Variants in COL22A1 observed in about 807,000 individuals in gnomAD.
COL22A1 encodes collagen alpha-1(XXII) chain.
In COL22A1, 221 loss-of-function variants were observed where a neutral mutation model predicts 248.9. The ratio of observed to expected loss-of-function variants is 0.89; its 90% CI spans 0.80 to 0.99. COL22A1 has a LOEUF of 0.99. Ranked by LOEUF, COL22A1 falls within the 50% of genes least tolerant of loss-of-function variation. COL22A1 has a pLI of 0.00. For synonymous variants in COL22A1, 891 were observed against 793.4 expected (o/e 1.12, Z -2.07); for missense variants, 2,240 against 2,179.0 (o/e 1.03, Z -0.56).
Position 138,602,153 on chromosome 8 carries a change from G to C in COL22A1, c.4147C>G (p.Pro1383Ala), listed in dbSNP as rs779394024. The C allele has an allele frequency of 6.2e-7, 1 of 1,614,012 alleles. No individual in the cohort carries two copies. Among genetic ancestry groups the C allele is most frequent in the South Asian group, 1.1e-5 (1 of 91,056 alleles). Residue 1383 changes from proline to alanine, a missense_variant, in exon 60 of 65, where the codon CCT becomes GCT. Physicochemically the swap from Pro to Ala is conservative, Grantham distance 27. Coordinates refer to ENST00000303045, the MANE Select transcript of COL22A1 (RefSeq NM_152888.3). The stretch of plus-strand genomic sequence containing the variant: ...AATCCAGGCTCTCCAGGCTTCCCAG[G>C]GACCCCCTGCAAGGAGAAAGAAAGG... ...EKGVPGKEGV[P>A]GKPGEPGFKG... is the part of the protein sequence containing the mutation.
intron 16 of COL22A1, among the ~76,000 whole-genome samples, chr8:138,771,479 G>A (rs1199160251): frequency 1.3e-5 from 2 of 152,186 alleles, no homozygotes; most frequent in East Asian, 1.9e-4. Context: ...CTTCTCTACA[G>A]CCCTTTCCAA....
chr8:138,868,763 C>T (rs540199121), intron 3 of COL22A1, among the ~76,000 whole-genome samples: 42 of 150,978 alleles, frequency 2.8e-4, no homozygotes, highest in African/African-American at 9.9e-4. Flanking sequence ...CGAAGTCTCA[C>T]TCTGTCACCC....
Position 138,659,542 on chromosome 8 carries a change from T to C in COL22A1, c.3285+894A>G, listed in dbSNP as rs72727865. Reference sequence around the variant, plus strand: ...TTGGTTGCTGCTGTCTCTTCCATCTTAGGCAGCTTCTTCCCAAGGACTCAT... The same window carrying C: ...TTGGTTGCTGCTGTCTCTTCCATCTCAGGCAGCTTCTTCCCAAGGACTCAT... On this transcript the variant is annotated intron_variant, in intron 44 of 64. Coordinates refer to ENST00000303045, the MANE Select transcript of COL22A1 (RefSeq NM_152888.3). Among the ~76,000 whole-genome samples, 1,586 of 152,322 alleles carry C rather than the reference T, an allele frequency of 0.01. 35 individuals are homozygous for C. The East Asian group carries it at 0.11, about 11-fold the overall frequency.
At chr8:138,800,648 G>C (rs1816922968) in intron 11 of COL22A1, among the ~76,000 whole-genome samples, 1 of 152,176 alleles carries the variant, frequency 6.6e-6, no homozygotes, top group Non-Finnish European at 1.5e-5. Flanking sequence ...TAGAGCTGCT[G>C]ATGATATCAG....
chr8:138,769,693 C>A (rs763203261), intron 16 of COL22A1, among the ~76,000 whole-genome samples: 1 of 152,190 alleles, frequency 6.6e-6, no homozygotes, highest in Non-Finnish European at 1.5e-5. Flanking sequence ...AAGATGAATG[C>A]GGGCATCTGT....
intron 21 of COL22A1, among the ~76,000 whole-genome samples, chr8:138,752,723 A>T (rs1327266167): frequency 6.6e-6 from 1 of 152,238 alleles, no homozygotes; most frequent in Admixed American, 6.5e-5. Flanking sequence ...CACTGTTTCC[A>T]TTTCGAGAAT....
intron 3 of COL22A1, among the ~76,000 whole-genome samples, chr8:138,860,425 G>T (rs1316550842): frequency 6.6e-6 from 1 of 152,154 alleles, no homozygotes; most frequent in Non-Finnish European, 1.5e-5. Flanking sequence ...TGTGCATCTT[G>T]TCCTCTCATC....
intron 41 of COL22A1, 135 bp from the exon 42 acceptor site, chr8:138,663,875 C>G: frequency 1.4e-6 from 1 of 696,610 alleles, no homozygotes; most frequent in Admixed American, 2.1e-5. Context: ...CTTGAAGCCA[C>G]ACTGCCATAC....
chr8:138,831,739 C>T (rs1048768274), intron 5 of COL22A1, among the ~76,000 whole-genome samples: 1 of 152,060 alleles, frequency 6.6e-6, no homozygotes, highest in Non-Finnish European at 1.5e-5. Flanking sequence ...GGCTGGGTCA[C>T]ACAGGGACCT....
intron 62 of COL22A1, among the ~76,000 whole-genome samples, 161 bp from the exon 63 acceptor site, chr8:138,594,360 G>A (rs1468639455): frequency 2.0e-5 from 3 of 151,606 alleles, no homozygotes; most frequent in Admixed American, 6.6e-5. Context: ...CCAAGGGGCC[G>A]ATAATAGCTG....
chr8:138,789,412 A>G (rs1815835404), intron 12 of COL22A1, among the ~76,000 whole-genome samples: 1 of 152,262 alleles, frequency 6.6e-6, no homozygotes, highest in Non-Finnish European at 1.5e-5. Context: ...ATGCACATTA[A>G]TGCACAGGCT....
intron 2 of COL22A1, among the ~76,000 whole-genome samples, chr8:138,881,485 A>G (rs1219407082): frequency 1.3e-5 from 2 of 152,124 alleles, no homozygotes; most frequent in Non-Finnish European, 1.5e-5. Flanking sequence ...GGCGATCGAG[A>G]CCGTCTTGGC....
chr8:138,664,194 T>TGCGCGC (rs150972699), intron 41 of COL22A1, among the ~76,000 whole-genome samples: 1,631 of 84,974 alleles, frequency 0.019, 53 homozygotes, highest in East Asian at 0.044. Context: ...CAACAAGGGG[T>TGCGCGC]GCGCGCGCGC....
At chr8:138,856,215 C>T (rs533470983) in intron 3 of COL22A1, among the ~76,000 whole-genome samples, 7 of 152,230 alleles carry the variant, frequency 4.6e-5, no homozygotes, top group Admixed American at 1.3e-4. Context: ...AAGGCGTGGC[C>T]GCATTGCTGC....
rs575733640 is a variant in COL22A1, at chr8:138,713,244, T to TG, written c.2517+2437dup. On this transcript the variant is annotated intron_variant, in intron 30 of 64. Coordinates refer to ENST00000303045, the MANE Select transcript of COL22A1 (RefSeq NM_152888.3). ...TGATGAGGTTTTGTCGTGGATGGGG[T>TG]GGGGGGGCGGTGCTTTAGCCTGGAG... Among the ~76,000 whole-genome samples, 479 of 151,202 alleles carry TG rather than the reference T, an allele frequency of 3.2e-3. 6 individuals are homozygous for TG. The highest frequency in any genetic ancestry group is 4.3e-3 in the East Asian group (22 of 5,074).
chr8:138,835,038 G>C (rs1408338871), intron 4 of COL22A1, among the ~76,000 whole-genome samples: 2 of 152,184 alleles, frequency 1.3e-5, no homozygotes, highest in African/African-American at 4.8e-5. Context: ...TGGGGCGACA[G>C]GGAAGGCGCT....
At chr8:138,602,253 G>A in intron 59 of COL22A1, 94 bp from the exon 60 acceptor site, 1 of 1,409,556 alleles carries the variant, frequency 7.1e-7, no homozygotes, top group Non-Finnish European at 1.0e-6. Flanking sequence ...GCATGCTGAG[G>A]ACAAGGGACC....
intron 1 of COL22A1, among the ~76,000 whole-genome samples, chr8:138,896,895 C>G (rs1043293016): frequency 3.9e-5 from 6 of 151,908 alleles, no homozygotes; most frequent in African/African-American, 1.5e-4. Flanking sequence ...ATCACTTGAA[C>G]TCGGGAGGCA....
At chr8:138,815,960 T>G (rs1259421623) in intron 7 of COL22A1, among the ~76,000 whole-genome samples, 3 of 152,208 alleles carry the variant, frequency 2.0e-5, no homozygotes, top group Non-Finnish European at 4.4e-5. Flanking sequence ...CTCACCCCAC[T>G]GACTTTGTTC....
Sources: allele counts gnomAD v4.1 joint callset (sites outside exome capture counted in the v4.1 genomes callset), GRCh38; gene constraint gnomAD v4.1.1; transcripts MANE v1.5; gene names NCBI Gene and HGNC (gene_info 2026-07-23, HGNC 2026-07-21).